TMED8: variants seen among roughly 807,000 people sequenced by gnomAD.
The protein encoded by TMED8 is transmembrane p24 trafficking protein family member 8.
A neutral mutation model predicts 32.7 loss-of-function variants in TMED8; 15 were observed. That is an observed-to-expected ratio of 0.46 (90% CI 0.31 to 0.71). The LOEUF (loss-of-function observed/expected upper bound fraction) is 0.71. Among genes scored for constraint, TMED8 ranks in the 30% least tolerant of loss-of-function variants. TMED8 has a pLI of 0.06. For missense variants in TMED8, 390 were observed against 423.9 expected, an observed-to-expected ratio of 0.92 and a Z score of 0.70; for synonymous variants, 147 against 161.4, an observed-to-expected ratio of 0.91 and a Z score of 0.68.
At chr14:77,370,878 G>C (rs558610738) in intron 1 of TMED8, among the ~76,000 whole-genome samples, 1 of 151,900 alleles carries the variant, frequency 6.6e-6, no homozygotes, top group African/African-American at 2.4e-5. Flanking sequence ...GAACCCGGGA[G>C]GCGGAGGTTG....
At chr14:77,361,454 A>G (rs1489511322) in intron 1 of TMED8, among the ~76,000 whole-genome samples, 1 of 152,190 alleles carries the variant, frequency 6.6e-6, no homozygotes, top group African/African-American at 2.4e-5. Flanking sequence ...TACTAGCACC[A>G]TACTGTTTTA....
In TMED8 at chr14:77,337,835, CAG is replaced by C. The variant is rs2139595519; in HGVS notation, c.*3934_*3935del. On this transcript the variant is annotated 3_prime_UTR_variant, in exon 6 of 6. Coordinates refer to ENST00000216468, the MANE Select transcript of TMED8 (RefSeq NM_213601.3). ...CTAATTGGACACTTGTCAAAAGGAACAGAATGTTAGAATCATCTTTGCCTAGG... is the reference window on the plus strand; with the variant it reads ...CTAATTGGACACTTGTCAAAAGGAACAATGTTAGAATCATCTTTGCCTAGG... The C allele has an allele frequency of 6.6e-6, 1 of 152,316 alleles. No individual in the cohort carries two copies. Among genetic ancestry groups the C allele is most frequent in the African/African-American group, 2.4e-5 (1 of 41,560 alleles). The allele number at this position is 152,316 out of a possible 1,614,324, so 9.4% of individuals were successfully genotyped here. A position where few individuals can be genotyped will look rare whatever the true frequency, so the allele number is the denominator to read the frequency against.
chr14:77,349,446 T>C (rs1893130433), intron 2 of TMED8, among the ~76,000 whole-genome samples: 1 of 152,058 alleles, frequency 6.6e-6, no homozygotes. Flanking sequence ...TGACCTCACC[T>C]CTCAGAATCC....
intron 1 of TMED8, among the ~76,000 whole-genome samples, chr14:77,365,902 C>T (rs1335786051): frequency 6.6e-6 from 1 of 152,000 alleles, no homozygotes; most frequent in African/African-American, 2.4e-5. Context: ...AGATAGGAGG[C>T]CTCTGCAGAA....
At chr14:77,346,513 T>C in intron 2 of TMED8, 35 bp from the exon 3 acceptor site, 2 of 1,612,378 alleles carry the variant, frequency 1.2e-6, no homozygotes, top group Non-Finnish European at 1.7e-6. Flanking sequence ...ATTCAAGGAC[T>C]CTTTGAAAAG....
At position 77,376,967 on chromosome 14, in the gene TMED8, C is replaced by T. The variant is rs2049844272; in HGVS notation, c.87G>A (p.Gln29=). The change falls in exon 1 of 6, where the codon CAG becomes CAA. Residue 29 remains glutamine (Q), a synonymous_variant. Transcript: ENST00000216468. The surrounding 1 kb of genome is among the most constrained non-coding windows in gnomAD (Gnocchi z 4.0). The part of the protein sequence containing the change: ...PGSAGGVGDC[Q]GVEGSQAAAS... ...CGGCCGCCTGGCTCCCCTCCACTCCCTGGCAGTCCCCGACGCCGCCAGCCG... is the reference window on the plus strand; with the variant it reads ...CGGCCGCCTGGCTCCCCTCCACTCCTTGGCAGTCCCCGACGCCGCCAGCCG... 1.4e-6 allele frequency: 2 copies of T among 1,456,528 alleles called. No individual in the cohort carries two copies. Among genetic ancestry groups the T allele is most frequent in the Non-Finnish European group, 1.8e-6 (2 of 1,112,922 alleles). 90.2% of individuals were successfully genotyped at this position (1,456,528 alleles called of 1,614,324 possible).
intron 3 of TMED8, among the ~76,000 whole-genome samples, chr14:77,345,111 C>T (rs1393171048): frequency 2.0e-5 from 3 of 152,180 alleles, no homozygotes; most frequent in African/African-American, 4.8e-5. Flanking sequence ...CCTCAGCCTC[C>T]CGAGTAGCTG....
intron 3 of TMED8, among the ~76,000 whole-genome samples, chr14:77,344,701 C>A (rs1351867435): frequency 3.9e-5 from 6 of 152,184 alleles, no homozygotes; most frequent in African/African-American, 1.4e-4. Context: ...GGGGAGAGCA[C>A]ATCAGTGAGT....
rs989649014 is a variant in TMED8, at chr14:77,376,834, T to C, written c.118+102A>G. The C allele has an allele frequency of 2.0e-5, 14 of 703,740 alleles. No individual in the cohort carries two copies. The African/African-American group carries it at 2.2e-4, about 11-fold the overall frequency. 43.6% of individuals were successfully genotyped at this position (703,740 alleles called of 1,614,324 possible). On this transcript the variant is annotated intron_variant, in intron 1 of 5. Coordinates refer to ENST00000216468, the MANE Select transcript of TMED8 (RefSeq NM_213601.3). This position sits in a 1 kb window ranked among gnomAD's most constrained non-coding sequence, Gnocchi z 4.0. ...GAAGGGGCTGCCGAGGTGGGTCCGCTCCGCGGGGAAGCCCAGGACAGAGCG... is the reference window on the plus strand; with the variant it reads ...GAAGGGGCTGCCGAGGTGGGTCCGCCCCGCGGGGAAGCCCAGGACAGAGCG...
intron 1 of TMED8, among the ~76,000 whole-genome samples, chr14:77,358,754 G>C (rs796586613): frequency 4.6e-5 from 7 of 151,992 alleles, no homozygotes; most frequent in African/African-American, 1.7e-4. Context: ...GTATAACTAA[G>C]GATATGGATA....
At chr14:77,366,887 A>C (rs1023471417) in intron 1 of TMED8, among the ~76,000 whole-genome samples, 1 of 152,122 alleles carries the variant, frequency 6.6e-6, no homozygotes, top group Non-Finnish European at 1.5e-5. Context: ...AGTGATATGC[A>C]CTCAGGCAAT....
intron 1 of TMED8, among the ~76,000 whole-genome samples, chr14:77,372,609 A>G (rs1893697633): frequency 6.6e-6 from 1 of 152,078 alleles, no homozygotes; most frequent in Admixed American, 6.6e-5. Context: ...CTTGAGTGGG[A>G]CATGCTCCTG....
intron 2 of TMED8, among the ~76,000 whole-genome samples, chr14:77,350,132 CTT>C (rs1893146156): frequency 2.0e-5 from 3 of 152,004 alleles, no homozygotes; most frequent in Non-Finnish European, 2.9e-5. Flanking sequence ...GGATTTTTGT[CTT>C]TATATTTTCA....
At chr14:77,372,939 TATATATATATA>T (rs1566696515) in intron 1 of TMED8, among the ~76,000 whole-genome samples, 25 of 33,906 alleles carry the variant, frequency 7.4e-4, no homozygotes, top group African/African-American at 2.7e-3. Flanking sequence ...TATATATATA[TATATATATATA>T]TATTTTTTTT....
At chr14:77,372,930 ATATATATATATATATATATATAT>A (rs1893712970) in intron 1 of TMED8, among the ~76,000 whole-genome samples, 2 of 28,814 alleles carry the variant, frequency 6.9e-5, no homozygotes, top group African/African-American at 5.1e-4. Flanking sequence ...ATATATATAT[ATATATATATATATATATATATAT>A]TTTTTTTTTT....
At chr14:77,352,903 AG>A (rs1194576899) in intron 1 of TMED8, among the ~76,000 whole-genome samples, 1 of 152,056 alleles carries the variant, frequency 6.6e-6, no homozygotes, top group Non-Finnish European at 1.5e-5. Context: ...AATGTACCCA[AG>A]GTCAGGTAAA....
intron 1 of TMED8, among the ~76,000 whole-genome samples, chr14:77,372,953 T>TATA (rs71128617): frequency 8.1e-5 from 1 of 12,366 alleles, no homozygotes; most frequent in Non-Finnish European, 1.3e-4. Flanking sequence ...TATATATATA[T>TATA]TTTTTTTTTT....
intron 1 of TMED8, among the ~76,000 whole-genome samples, chr14:77,365,196 T>G (rs1893524331): frequency 6.6e-6 from 1 of 152,202 alleles, no homozygotes; most frequent in African/African-American, 2.4e-5. Flanking sequence ...AAATTTGAGT[T>G]AATGACTTTG....
In TMED8 at chr14:77,336,164, C is replaced by T. The variant is rs1333474853; in HGVS notation, c.*5607G>A. 5 of 152,122 alleles carry T rather than the reference C, an allele frequency of 3.3e-5. No homozygotes were observed. The highest frequency in any genetic ancestry group is 1.2e-4 in the African/African-American group (5 of 41,414). 9.4% of individuals were successfully genotyped at this position (152,122 alleles called of 1,614,324 possible). A position where few individuals can be genotyped will look rare whatever the true frequency, so the allele number is the denominator to read the frequency against. On this transcript the variant is annotated 3_prime_UTR_variant, in exon 6 of 6. Coordinates refer to ENST00000216468, the MANE Select transcript of TMED8 (RefSeq NM_213601.3). ...AGGACTTTAGAAAATATACTTTGTC[C>T]TCTGGAAGCAATTTCACATATATTA... is the stretch of plus-strand genomic sequence containing the variant.
Sources: allele counts gnomAD v4.1 joint callset (sites outside exome capture counted in the v4.1 genomes callset), GRCh38; gene constraint gnomAD v4.1.1; non-coding constraint Gnocchi (gnomAD v3.1); transcripts MANE v1.5; gene names NCBI Gene and HGNC (gene_info 2026-07-23, HGNC 2026-07-21).